The following FCN2 variants were observed in gnomAD, a reference collection of about 807,000 sequenced individuals.
FCN2 encodes ficolin 2.
A neutral mutation model predicts 32.5 loss-of-function variants in FCN2; 31 were observed. The observed-to-expected ratio is 0.96, with a 90% CI of 0.72 to 1.29. FCN2 has a LOEUF of 1.29. Among genes scored for constraint, FCN2 ranks in the 50% most tolerant of loss-of-function variants. The pLI is 0.00. For missense variants in FCN2, 412 were observed against 406.5 expected (o/e 1.01, Z -0.12); for synonymous variants, 181 against 164.5 (o/e 1.10, Z -0.77).
At chr9:134,872,565 G>A in the FCN2 span, among the ~76,000 whole-genome samples, 75 of 152,280 alleles carry the variant, frequency 4.9e-4, 1 homozygote, top group Non-Finnish European at 9.0e-4. Context: ...ACGTGGCTGG[G>A]GAGGCCTCAC....
At position 134,886,469 on chromosome 9, in the gene FCN2, A is replaced by G; in HGVS notation, c.599A>G (p.Asp200Gly). 6.2e-7 allele frequency: 1 copy of G among 1,612,144 alleles called. No homozygotes were observed. The highest frequency in any genetic ancestry group is 8.5e-7 in the Non-Finnish European group (1 of 1,179,246). ...ELRVDLVDFEDNYQFAKYRSF... is the reference protein window; with the variant it reads ...ELRVDLVDFEGNYQFAKYRSF... ...CGTGTAGACCTGGTGGACTTTGAGG[A>G]CAACTACCAGTTTGCTAAGTACAGA... Residue 200 changes from aspartate to glycine, a missense_variant, in exon 7 of 8, where the codon GAC becomes GGC. Physicochemically the swap from Asp to Gly is moderately conservative, Grantham distance 94. Coordinates refer to ENST00000291744, the MANE Select transcript of FCN2 (RefSeq NM_004108.3).
In FCN2 at chr9:134,887,406, A is replaced by G; in HGVS notation, c.933A>G (p.Arg311=). ...YSYKVSEMKV[R]PA is the part of the protein sequence containing the mutation. ...ACAAGGTGTCAGAGATGAAGGTGCG[A>G]CCTGCCTAGCCCAGGCCGGCCTCAG... The change falls in exon 8 of 8, where the codon CGA becomes CGG. Residue 311 remains arginine, a synonymous_variant. Transcript: ENST00000291744. The G allele has an allele frequency of 6.2e-7, 1 of 1,614,010 alleles. No individual in the cohort carries two copies. The highest frequency in any genetic ancestry group is 1.1e-5 in the South Asian group (1 of 91,074).
chr9:134,885,756 G>A lies in FCN2; in HGVS notation c.430-12G>A, dbSNP rs1588645276. 6.2e-7 allele frequency: 1 copy of A among 1,613,898 alleles called. No homozygotes were observed. Among genetic ancestry groups the A allele is most frequent in the African/African-American group, 1.3e-5 (1 of 74,918 alleles). On this transcript the variant is annotated splice_polypyrimidine_tract_variant and intron_variant, in intron 5 of 7. Transcript: ENST00000291744. ...TGGCCCCCCCGGCTCCTGTCCCCTG[G>A]CTTCTCCACAGGTTTTCCAGCGGAG...
chr9:134,874,305 C>T, the FCN2 span, among the ~76,000 whole-genome samples: 24 of 152,192 alleles, frequency 1.6e-4, no homozygotes, highest in African/African-American at 5.5e-4. Flanking sequence ...TCCAAGAAAT[C>T]ATTGCCTAAT....
chr9:134,878,913 A>G (rs1053713207), upstream of FCN2, among the ~76,000 whole-genome samples: 1 of 152,196 alleles, frequency 6.6e-6, no homozygotes, highest in Admixed American at 6.5e-5. Flanking sequence ...AAACCTTATT[A>G]TTCTATCTTT....
At chr9:134,880,377 T>C (rs965578928), upstream of FCN2, among the ~76,000 whole-genome samples, 4 of 152,214 alleles carry the variant, frequency 2.6e-5, no homozygotes, top group Admixed American at 2.6e-4. Flanking sequence ...TGAGGGTTAC[T>C]GTGTAAGGCC....
At chr9:134,879,619 A>G (rs994088955), upstream of FCN2, among the ~76,000 whole-genome samples, 1 of 152,186 alleles carries the variant, frequency 6.6e-6, no homozygotes, top group Admixed American at 6.5e-5. Context: ...TGCATCTGGC[A>G]TAGCCTTAAT....
chr9:134,886,608 G>C, intron 7 of FCN2, 44 bp downstream of exon 7: 1 of 1,610,094 alleles, frequency 6.2e-7, no homozygotes, highest in Non-Finnish European at 8.5e-7. Context: ...TTCTGAGGGG[G>C]GTTTGGGAAG....
the FCN2 span, among the ~76,000 whole-genome samples, chr9:134,870,310 C>A: frequency 1.3e-5 from 2 of 152,198 alleles, no homozygotes; most frequent in Admixed American, 6.5e-5. This position sits in a 1 kb window ranked among gnomAD's most constrained non-coding sequence, Gnocchi z 4.3. Flanking sequence ...GCCCACCCGG[C>A]CTAGTGTGGG....
intron 2 of FCN2, 82 bp downstream of exon 2, chr9:134,882,721 T>C (rs1324715400): frequency 8.2e-6 from 8 of 978,120 alleles, no homozygotes; most frequent in Non-Finnish European, 1.3e-5. Context: ...CCCACCATGG[T>C]TCCTAGATCG....
upstream of FCN2, among the ~76,000 whole-genome samples, chr9:134,876,472 T>C (rs1055353853): frequency 2.0e-5 from 3 of 152,226 alleles, no homozygotes; most frequent in African/African-American, 7.2e-5. Flanking sequence ...TCTGTTCCAT[T>C]GGTCTATATG....
upstream of FCN2, among the ~76,000 whole-genome samples, chr9:134,876,558 A>G (rs934808244): frequency 6.6e-6 from 1 of 152,104 alleles, no homozygotes; most frequent in African/African-American, 2.4e-5. Flanking sequence ...TACAATTTCA[A>G]TTTATTTTAT....
At chr9:134,873,131 G>GT in the FCN2 span, among the ~76,000 whole-genome samples, 17 of 148,982 alleles carry the variant, frequency 1.1e-4, no homozygotes, top group Admixed American at 3.3e-4. Flanking sequence ...TGGAGGGTTA[G>GT]TTTTTTTTTT....
the FCN2 span, among the ~76,000 whole-genome samples, chr9:134,871,267 A>G: frequency 6.6e-6 from 1 of 152,160 alleles, no homozygotes; most frequent in Non-Finnish European, 1.5e-5. Context: ...CGGCTTGGCC[A>G]CTGAGTGTGG....
chr9:134,881,888 G>A lies in FCN2; in HGVS notation c.101-638G>A, dbSNP rs1277286538. ...TTGTAACACACTCACTTGAATTTGA[G>A]TTATCTAATTAAAAACAACAAGCTG... is the stretch of plus-strand genomic sequence containing the variant. On this transcript the variant is annotated intron_variant, in intron 1 of 7. Transcript: ENST00000291744. 2.0e-5 allele frequency among the ~76,000 whole-genome samples: 3 copies of A among 152,258 alleles called. No individual in the cohort carries two copies. In the East Asian group the frequency reaches 5.8e-4, roughly 29 times the overall value.
In FCN2 at chr9:134,885,885, C is replaced by T; in HGVS notation, c.547C>T (p.Leu183=). 1 of 1,613,216 alleles carries T rather than the reference C, an allele frequency of 6.2e-7. No homozygotes were observed. Residue 183 remains leucine (L), a synonymous_variant, in exon 6 of 8, where the codon CTG becomes TTG. Coordinates refer to ENST00000291744, the MANE Select transcript of FCN2 (RefSeq NM_004108.3). ...FWLGNDNIHA[L]TAQGTSELRV... is the part of the protein sequence containing the mutation. ...GCTGGGGAATGACAACATCCACGCC[C>T]TGACCGCCCAGGGTAGGGCCGCTGC... is the stretch of plus-strand genomic sequence containing the variant.
At chr9:134,880,608 G>A (rs12344051), upstream of FCN2, among the ~76,000 whole-genome samples, 1,717 of 152,240 alleles carry the variant, frequency 0.011, 33 homozygotes, top group African/African-American at 0.037. Flanking sequence ...GAAGGAGACC[G>A]TCCCCCTGCA....
the FCN2 span, among the ~76,000 whole-genome samples, chr9:134,868,781 C>T: frequency 7.4e-4 from 113 of 152,330 alleles, 1 homozygote; most frequent in Non-Finnish European, 1.1e-3. This position sits in a 1 kb window ranked among gnomAD's most constrained non-coding sequence, Gnocchi z 4.3. Context: ...TGACCAGTGA[C>T]CACACCACTG....
intron 3 of FCN2, among the ~76,000 whole-genome samples, chr9:134,883,601 T>G (rs1830699010): frequency 2.6e-5 from 1 of 39,024 alleles, no homozygotes; most frequent in Non-Finnish European, 4.8e-5. Flanking sequence ...TCAATGTGTG[T>G]AGGGGGTCTC....
Sources: allele counts gnomAD v4.1 joint callset (sites outside exome capture counted in the v4.1 genomes callset), GRCh38; gene constraint gnomAD v4.1.1; non-coding constraint Gnocchi (gnomAD v3.1); transcripts MANE v1.5; gene names NCBI Gene and HGNC (gene_info 2026-07-23, HGNC 2026-07-21).